AKAP19: variants seen among roughly 807,000 people sequenced by gnomAD.
The protein encoded by AKAP19 is small A-kinase anchoring protein.
chr2:190,147,866 G>A, the AKAP19 span, among the ~76,000 whole-genome samples: 2 of 152,060 alleles, frequency 1.3e-5, no homozygotes, highest in African/African-American at 2.4e-5. Context: ...TCTTGTATCT[G>A]GAAACTTTGC....
At chr2:190,164,298 G>A in the AKAP19 span, among the ~76,000 whole-genome samples, 9 of 152,242 alleles carry the variant, frequency 5.9e-5, no homozygotes, top group Non-Finnish European at 1.3e-4. Context: ...ACTTTGAGAA[G>A]CTGAGGTGGG....
chr2:190,071,272 A>AC, the AKAP19 span, among the ~76,000 whole-genome samples: 1 of 152,016 alleles, frequency 6.6e-6, no homozygotes, highest in African/African-American at 2.4e-5. Context: ...GTATAATGAG[A>AC]CCCCATCTCT....
the AKAP19 span, among the ~76,000 whole-genome samples, chr2:189,925,434 T>C: frequency 6.6e-6 from 1 of 152,256 alleles, no homozygotes; most frequent in African/African-American, 2.4e-5. Flanking sequence ...CCCAGGTTTT[T>C]GTCTTATACA....
chr2:189,949,500 CAAAA>C, the AKAP19 span, among the ~76,000 whole-genome samples: 1 of 54,354 alleles, frequency 1.8e-5, no homozygotes, highest in Non-Finnish European at 3.6e-5. Flanking sequence ...GTCTCTGTCT[CAAAA>C]AAAGAAAAAA....
chr2:189,961,307 A>G, the AKAP19 span, among the ~76,000 whole-genome samples: 1 of 152,112 alleles, frequency 6.6e-6, no homozygotes, highest in South Asian at 2.1e-4. Context: ...GAGCTCAGAT[A>G]TGGTCTCTAC....
the AKAP19 span, among the ~76,000 whole-genome samples, chr2:189,999,856 C>G: frequency 6.6e-6 from 1 of 152,176 alleles, no homozygotes; most frequent in Admixed American, 6.5e-5. Flanking sequence ...TAAAGTTTAA[C>G]TTTGTTTTTG....
At chr2:190,073,054 T>A in the AKAP19 span, among the ~76,000 whole-genome samples, 1 of 152,138 alleles carries the variant, frequency 6.6e-6, no homozygotes, top group East Asian at 1.9e-4. Flanking sequence ...AATTTATAAC[T>A]TTTTTAAAGA....
chr2:189,910,995 G>A, the AKAP19 span, among the ~76,000 whole-genome samples: 5 of 152,030 alleles, frequency 3.3e-5, no homozygotes, highest in East Asian at 9.6e-4. Flanking sequence ...TTCCCTATAT[G>A]TTATTTCTTT....
the AKAP19 span, among the ~76,000 whole-genome samples, chr2:190,111,216 G>T: frequency 0.012 from 1,781 of 152,244 alleles, 29 homozygotes; most frequent in African/African-American, 0.039. Context: ...AGGTGCCCCA[G>T]ATATCACATG....
chr2:190,161,984 T>C, the AKAP19 span, among the ~76,000 whole-genome samples: 1 of 152,304 alleles, frequency 6.6e-6, no homozygotes, highest in East Asian at 1.9e-4. Context: ...TAGTTTATAA[T>C]TGACATCTCT....
At chr2:189,976,217 G>A in the AKAP19 span, among the ~76,000 whole-genome samples, 1 of 152,204 alleles carries the variant, frequency 6.6e-6, no homozygotes, top group Non-Finnish European at 1.5e-5. Flanking sequence ...TCCACTGCAG[G>A]CCTGTTGGAG....
the AKAP19 span, among the ~76,000 whole-genome samples, chr2:190,021,952 A>G: frequency 6.6e-6 from 1 of 152,308 alleles, no homozygotes; most frequent in East Asian, 1.9e-4. Context: ...GAACCTGCTT[A>G]CTGGTCAGGA....
chr2:190,176,467 C>A, the AKAP19 span, among the ~76,000 whole-genome samples: 1 of 152,152 alleles, frequency 6.6e-6, no homozygotes, highest in African/African-American at 2.4e-5. This position sits in a 1 kb window ranked among gnomAD's most constrained non-coding sequence, Gnocchi z 4.7. Context: ...CCTGCCTCAG[C>A]CTCCGGAGTA....
At chr2:190,121,750 A>C in the AKAP19 span, among the ~76,000 whole-genome samples, 1 of 152,194 alleles carries the variant, frequency 6.6e-6, no homozygotes, top group South Asian at 2.1e-4. Flanking sequence ...CAGTTCAGCA[A>C]GACTGATTCT....
At chr2:190,035,040 A>AT in the AKAP19 span, among the ~76,000 whole-genome samples, 2 of 151,946 alleles carry the variant, frequency 1.3e-5, no homozygotes, top group East Asian at 3.8e-4. Context: ...CCCCCAGATT[A>AT]TTTTTTAAAG....
At chr2:190,007,425 C>A in the AKAP19 span, among the ~76,000 whole-genome samples, 2 of 152,132 alleles carry the variant, frequency 1.3e-5, no homozygotes, top group African/African-American at 4.8e-5. Flanking sequence ...AATCAAGTTA[C>A]CACAACCTAT....
the AKAP19 span, among the ~76,000 whole-genome samples, chr2:190,108,851 A>G: frequency 6.0e-5 from 9 of 149,448 alleles, no homozygotes; most frequent in South Asian, 1.7e-3. Context: ...ATTTGAAGAT[A>G]TAGGAGAAAA....
chr2:190,097,886 A>G, the AKAP19 span, among the ~76,000 whole-genome samples: 6 of 150,922 alleles, frequency 4.0e-5, no homozygotes, highest in African/African-American at 1.2e-4. Flanking sequence ...AAAAAAGAAA[A>G]GAAAAGAAAA....
chr2:189,969,379 G>A, the AKAP19 span, among the ~76,000 whole-genome samples: 1 of 152,124 alleles, frequency 6.6e-6, no homozygotes, highest in Non-Finnish European at 1.5e-5. Flanking sequence ...CAAGAACTGT[G>A]AGAAATGTTT....
Sources: allele counts gnomAD v4.1 joint callset (sites outside exome capture counted in the v4.1 genomes callset), GRCh38; gene constraint gnomAD v4.1.1; non-coding constraint Gnocchi (gnomAD v3.1); transcripts MANE v1.5; gene names NCBI Gene and HGNC (gene_info 2026-07-23, HGNC 2026-07-21).